Variants in DPP6 observed in about 807,000 individuals in gnomAD.
DPP6 encodes dipeptidyl peptidase like 6, also known as A-type potassium channel modulatory protein DPP6.
A neutral mutation model predicts 122.6 loss-of-function variants in DPP6; 69 were observed. That is an observed-to-expected ratio of 0.56 (90% confidence interval 0.46 to 0.69). The LOEUF (loss-of-function observed/expected upper bound fraction) is 0.69, where lower values mean the gene tolerates loss of function less well. Ranked by LOEUF, DPP6 falls within the 30% of genes least tolerant of loss-of-function variation. The probability of loss-of-function intolerance (pLI) is 0.00; values close to 1 mark genes in which losing one functional copy is unlikely to be tolerated. For synonymous variants in DPP6, 418 were observed against 433.1 expected (o/e 0.97, Z 0.43); for missense variants, 928 against 1,116.9 (o/e 0.83, Z 2.41).
At chr7:154,817,243 A>G (rs1799476979) in intron 16 of DPP6, among the ~76,000 whole-genome samples, 1 of 152,194 alleles carries the variant, frequency 6.6e-6, no homozygotes. Context: ...ACTTGTTGGG[A>G]AGGCACTGGC....
chr7:154,479,642 G>A (rs1300218714), intron 3 of DPP6, among the ~76,000 whole-genome samples: 10 of 151,864 alleles, frequency 6.6e-5, no homozygotes, highest in Non-Finnish European at 1.2e-4. Context: ...TCCCAGAAGT[G>A]GTCACAGCAT....
chr7:154,041,948 G>A (rs1482636651), intron 1 of DPP6, among the ~76,000 whole-genome samples: 3 of 152,160 alleles, frequency 2.0e-5, no homozygotes, highest in East Asian at 3.9e-4. Context: ...TAGTAGAGCC[G>A]GGGTTTCACC....
intron 1 of DPP6, among the ~76,000 whole-genome samples, chr7:153,932,064 A>G (rs1801193496): frequency 1.3e-5 from 2 of 151,822 alleles, no homozygotes; most frequent in Admixed American, 1.3e-4. Context: ...AGGTGAGAGT[A>G]AATCTTCTAT....
intron 1 of DPP6, among the ~76,000 whole-genome samples, chr7:154,325,972 CA>C (rs1395775587): frequency 6.6e-6 from 1 of 151,336 alleles, no homozygotes; most frequent in Non-Finnish European, 1.5e-5. Context: ...TTTTATTGAC[CA>C]AAAAAAAGGA....
At chr7:153,808,145 G>A in the DPP6 span, among the ~76,000 whole-genome samples, 2 of 152,228 alleles carry the variant, frequency 1.3e-5, no homozygotes, top group Non-Finnish European at 2.9e-5. Flanking sequence ...TGATCACCAC[G>A]ATCAAGCTAA....
At chr7:154,590,753 C>T (rs1832765010) in intron 5 of DPP6, among the ~76,000 whole-genome samples, 1 of 151,498 alleles carries the variant, frequency 6.6e-6, no homozygotes, top group East Asian at 2.0e-4. Flanking sequence ...AGGCTGGTCT[C>T]GAACTCCCGA....
At chr7:153,769,238 G>T in the DPP6 span, among the ~76,000 whole-genome samples, 6 of 152,080 alleles carry the variant, frequency 3.9e-5, no homozygotes, top group African/African-American at 1.4e-4. Flanking sequence ...GTACCTTGTT[G>T]TTCCTGTTTA....
chr7:154,779,692 A>G (rs1194517444), intron 10 of DPP6, among the ~76,000 whole-genome samples: 1 of 152,158 alleles, frequency 6.6e-6, no homozygotes, highest in Non-Finnish European at 1.5e-5. Context: ...TTCCTCCCTC[A>G]GGCTGTGGTC....
intron 1 of DPP6, among the ~76,000 whole-genome samples, chr7:154,127,632 CAG>C (rs879453315): frequency 0.047 from 5,162 of 109,830 alleles, 92 homozygotes; most frequent in African/African-American, 0.054. Context: ...CACACACACA[CAG>C]ACACACACAC....
chr7:153,883,636 T>C (rs1406288485), upstream of DPP6, among the ~76,000 whole-genome samples: 5 of 152,294 alleles, frequency 3.3e-5, no homozygotes, highest in African/African-American at 7.2e-5. Context: ...CGCCTCGGCC[T>C]CCCAAAGTGC....
the DPP6 span, among the ~76,000 whole-genome samples, chr7:153,767,041 TAGTC>T: frequency 6.6e-6 from 1 of 152,152 alleles, no homozygotes; most frequent in African/African-American, 2.4e-5. Context: ...ATGACCTAGT[TAGTC>T]TTTAAATGAT....
intron 7 of DPP6, among the ~76,000 whole-genome samples, chr7:154,684,796 T>C (rs76867090): frequency 0.19 from 29,295 of 152,224 alleles, 3,351 homozygotes; most frequent in Non-Finnish European, 0.25. Context: ...ATTAGCTGGG[T>C]GATCTGACTG....
chr7:154,388,694 C>T (rs1054924898), intron 1 of DPP6, among the ~76,000 whole-genome samples: 1 of 152,016 alleles, frequency 6.6e-6, no homozygotes, highest in Non-Finnish European at 1.5e-5. Context: ...GAGGGTGGGA[C>T]GCTACTGTTC....
At chr7:154,838,479 A>C (rs1023804863) in intron 16 of DPP6, 2 of 152,268 alleles carry the variant, frequency 1.3e-5, no homozygotes, top group African/African-American at 4.8e-5. Flanking sequence ...GTCTGCTTGC[A>C]GGAAATAAAA....
intron 10 of DPP6, among the ~76,000 whole-genome samples, chr7:154,793,061 A>C (rs1012348703): frequency 6.6e-6 from 1 of 152,218 alleles, no homozygotes; most frequent in Non-Finnish European, 1.5e-5. Context: ...GCATCTGGCT[A>C]TAGTCGTTTC....
In DPP6 at chr7:154,421,651, AAG is replaced by A. The variant is rs567051451; in HGVS notation, c.244-24560_244-24559del. ...TGAGTGTCAGTTTCTATGCCTTAGA[AAG>A]AGGGGATTGGAGACTGGATGATCTA... On this transcript the variant is annotated intron_variant, in intron 1 of 25. Coordinates refer to ENST00000377770, the MANE Select transcript of DPP6 (RefSeq NM_130797.4). Among the ~76,000 whole-genome samples, 14 of 24,184 alleles carry A rather than the reference AAG, an allele frequency of 5.8e-4. No individual in the cohort carries two copies. In the South Asian group the frequency reaches 0.051, roughly 89 times the overall value. The allele number at this position is 24,184 out of a possible 152,430, so 15.9% of individuals were successfully genotyped here. A position where few individuals can be genotyped will look rare whatever the true frequency, so the allele number is the denominator to read the frequency against.
chr7:153,900,619 C>T lies in DPP6; in HGVS notation c.51+12885C>T, dbSNP rs145545358. 4.9e-3 allele frequency among the ~76,000 whole-genome samples: 744 copies of T among 152,164 alleles called. 4 individuals are homozygous for T. The highest frequency in any genetic ancestry group is 0.015 in the African/African-American group (642 of 41,506). ...TAACGGGATGACTAACTCATTATCT[C>T]GAGGGTAACACCAAGCCATTCATGA... On this transcript the variant is annotated intron_variant, in intron 1 of 25. Coordinates refer to the DPP6 transcript ENST00000404039.
intron 1 of DPP6, among the ~76,000 whole-genome samples, chr7:154,113,412 T>TATATATACACACACACACACAC (rs1472172445): frequency 4.2e-5 from 6 of 141,868 alleles, no homozygotes; most frequent in African/African-American, 1.5e-4. Context: ...TATATATATA[T>TATATATACACACACACACACAC]ACACACACAC....
rs1563825275 is a variant in DPP6, at chr7:154,540,582, G to T, written c.508G>T (p.Val170Phe). The change falls in exon 4 of 26, where the codon GTT becomes TTT. Residue 170 changes from valine to phenylalanine, a missense_variant. Val to Phe is a conservative substitution (Grantham distance 50). Transcript: ENST00000377770. Reference sequence around the variant, plus strand: ...GAAAGGAACAGTGAGACTGTGGAATGTTGAAACAAATACTTCTACTGTCTT... The same window carrying T: ...GAAAGGAACAGTGAGACTGTGGAATTTTGAAACAAATACTTCTACTGTCTT... ...EQKGTVRLWN[V>F]ETNTSTVLIE... The T allele has an allele frequency of 1.9e-6, 3 of 1,606,912 alleles. No individual in the cohort carries two copies. In the Admixed American group the frequency reaches 5.1e-5, roughly 27 times the overall value.
Sources: gnomAD v4.1 joint callset for allele counts (sites outside exome capture counted in the v4.1 genomes callset) on GRCh38, gnomAD v4.1.1 for gene constraint, MANE v1.5 for transcripts, NCBI Gene and HGNC (gene_info 2026-07-23, HGNC 2026-07-21) for gene names.